The following MYT1L variants were observed in gnomAD, a reference collection of about 807,000 sequenced individuals.
MYT1L encodes myelin transcription factor 1-like protein.
A neutral mutation model predicts 126.7 loss-of-function variants in MYT1L; 12 were observed. That is an observed-to-expected ratio of 0.09 (90% CI 0.06 to 0.15). The LOEUF is 0.15. Ranked by LOEUF, MYT1L falls within the 10% of genes least tolerant of loss-of-function variation. MYT1L has a pLI of 1.00. For synonymous variants in MYT1L, 541 were observed against 604.2 expected (o/e 0.90, Z 1.53); for missense variants, 979 against 1,585.2 (o/e 0.62, Z 6.49).
chr2:2,177,598 G>A (rs1455372933), intron 2 of MYT1L, among the ~76,000 whole-genome samples: 1 of 152,196 alleles, frequency 6.6e-6, no homozygotes, highest in Non-Finnish European at 1.5e-5. Context: ...CCACATGGCT[G>A]GGAAGGCCTC....
At chr2:1,805,642 T>C (rs539363219) in intron 22 of MYT1L, among the ~76,000 whole-genome samples, 19 of 152,196 alleles carry the variant, frequency 1.2e-4, no homozygotes, top group Admixed American at 7.2e-4. Flanking sequence ...TCCCAGCACT[T>C]TGGGAGGCCG....
At chr2:1,822,060 T>C (rs2038617009) in intron 21 of MYT1L, among the ~76,000 whole-genome samples, 1 of 152,184 alleles carries the variant, frequency 6.6e-6, no homozygotes, top group African/African-American at 2.4e-5. Context: ...ATGGAGGTTC[T>C]GCATGCTCTT....
At chr2:2,169,805 GT>G in intron 3 of MYT1L, among the ~76,000 whole-genome samples, 1 of 152,206 alleles carries the variant, frequency 6.6e-6, no homozygotes, top group South Asian at 2.1e-4. Context: ...CCGGGAAGAT[GT>G]TTTCTTTTGG....
intron 2 of MYT1L, among the ~76,000 whole-genome samples, chr2:2,184,648 T>A (rs1415686303): frequency 6.6e-6 from 1 of 152,098 alleles, no homozygotes; most frequent in Non-Finnish European, 1.5e-5. Context: ...CAAGACCTCC[T>A]CTTCCCGCCT....
chr2:2,168,302 C>T (rs901932396), intron 3 of MYT1L, among the ~76,000 whole-genome samples: 1 of 152,114 alleles, frequency 6.6e-6, no homozygotes, highest in Admixed American at 6.5e-5. Flanking sequence ...AAGAGTACTA[C>T]GTGTGCATGC....
intron 19 of MYT1L, among the ~76,000 whole-genome samples, chr2:1,849,675 G>A (rs1257617244): frequency 6.6e-6 from 1 of 152,258 alleles, no homozygotes; most frequent in Non-Finnish European, 1.5e-5. Context: ...CAGCACTGCA[G>A]AGGCTGAGGA....
intron 2 of MYT1L, among the ~76,000 whole-genome samples, chr2:2,260,074 A>C (rs2094924033): frequency 6.6e-6 from 1 of 152,192 alleles, no homozygotes. Flanking sequence ...ACAAGATCAG[A>C]GTATCCACGC....
In MYT1L at chr2:2,058,928, T is replaced by C. The variant is rs151123074; in HGVS notation, c.-303-4805A>G. 3.4e-4 allele frequency among the ~76,000 whole-genome samples: 52 copies of C among 152,298 alleles called. 1 individual carries two copies. The East Asian group carries it at 9.5e-3, about 28-fold the overall frequency. On this transcript the variant is annotated intron_variant, in intron 3 of 24. Transcript: ENST00000647738. ...ATATTTAGAAGCGATTGAGGATGATTAAAGAAAGTGTTCATTCATATGGGG... is the reference window on the plus strand; with the variant it reads ...ATATTTAGAAGCGATTGAGGATGATCAAAGAAAGTGTTCATTCATATGGGG...
intron 2 of MYT1L, among the ~76,000 whole-genome samples, chr2:2,223,143 T>C (rs2093922849): frequency 6.6e-6 from 1 of 152,192 alleles, no homozygotes; most frequent in Non-Finnish European, 1.5e-5. Flanking sequence ...ACAACTGAGC[T>C]AGACTGTTGA....
At chr2:2,148,053 C>G (rs2085158405) in intron 3 of MYT1L, among the ~76,000 whole-genome samples, 1 of 152,180 alleles carries the variant, frequency 6.6e-6, no homozygotes. Context: ...GCCTGCACCT[C>G]TAATTTAAGC....
Position 1,912,032 on chromosome 2 carries a change from T to C in MYT1L, c.1697A>G (p.Asn566Ser), listed in dbSNP as rs1367753651. 1 of 1,593,476 alleles carries C rather than the reference T, an allele frequency of 6.3e-7. No homozygotes were observed. Among genetic ancestry groups the C allele is most frequent in the Non-Finnish European group, 8.6e-7 (1 of 1,166,208 alleles). ...TGRGHVNSNR[N>S]SHRSLSGCPI... ...ACGCGTGGCTTACCTTCGGTGGGAGTTCCTGTTGCTGTTGACATGCCCGCG... is the reference window on the plus strand; with the variant it reads ...ACGCGTGGCTTACCTTCGGTGGGAGCTCCTGTTGCTGTTGACATGCCCGCG... Residue 566 changes from asparagine to serine, a missense_variant, in exon 12 of 25, where the codon AAC becomes AGC. Around this residue, in one of 12 missense-constraint regions of MYT1L, gnomAD observed 82 missense variants for 177.2 expected, o/e 0.46. Coordinates refer to ENST00000647738, the MANE Select transcript of MYT1L (RefSeq NM_001303052.2). This position sits in a 1 kb window ranked among gnomAD's most constrained non-coding sequence, Gnocchi z 4.3.
intron 13 of MYT1L, among the ~76,000 whole-genome samples, chr2:1,903,959 G>A (rs995603224): frequency 2.3e-4 from 35 of 151,474 alleles, no homozygotes; most frequent in Non-Finnish European, 4.6e-4. Context: ...GCGCGTGCGC[G>A]CGTGTGTGTG....
chr2:2,128,082 C>T (rs1025745303), intron 3 of MYT1L, among the ~76,000 whole-genome samples: 5 of 152,168 alleles, frequency 3.3e-5, no homozygotes, highest in East Asian at 1.9e-4. Context: ...CCTTTCCTGA[C>T]GTTAAGAAAG....
intron 2 of MYT1L, among the ~76,000 whole-genome samples, chr2:2,241,235 G>A (rs894058353): frequency 8.5e-5 from 13 of 152,048 alleles, no homozygotes; most frequent in Admixed American, 4.6e-4. Context: ...TCTTAAAAGG[G>A]AGTTTTAAAT....
chr2:2,068,649 A>G (rs2074169288), intron 3 of MYT1L, among the ~76,000 whole-genome samples: 1 of 151,876 alleles, frequency 6.6e-6, no homozygotes, highest in Non-Finnish European at 1.5e-5. Context: ...TCCCTCATCT[A>G]TAATGACACA....
At chr2:2,295,759 CAGACAGACAGAGAGAGAGATAGAG>C (rs1559586180) in intron 1 of MYT1L, among the ~76,000 whole-genome samples, 1 of 27,738 alleles carries the variant, frequency 3.6e-5, no homozygotes, top group Admixed American at 3.1e-4. Flanking sequence ...GAGAGACAGA[CAGACAGACAGAGAGAGAGATAGAG>C]AGACAGACAG....
At chr2:2,204,525 TG>T (rs1428131771) in intron 2 of MYT1L, among the ~76,000 whole-genome samples, 1 of 143,730 alleles carries the variant, frequency 7.0e-6, no homozygotes, top group Non-Finnish European at 1.5e-5. Context: ...TCACCATCAC[TG>T]GCCATCAGAG....
At chr2:1,885,809 G>T (rs548937842) in intron 18 of MYT1L, among the ~76,000 whole-genome samples, 1 of 152,200 alleles carries the variant, frequency 6.6e-6, no homozygotes, top group African/African-American at 2.4e-5. Flanking sequence ...TGCTCTCCCC[G>T]GATTGCGGAG....
intron 18 of MYT1L, among the ~76,000 whole-genome samples, chr2:1,857,846 T>A (rs1370730230): frequency 1.3e-5 from 2 of 150,706 alleles, no homozygotes; most frequent in East Asian, 2.0e-4. Context: ...AAAAATTTTT[T>A]AAAATACATA....
Sources: gnomAD v4.1 joint callset for allele counts (sites outside exome capture counted in the v4.1 genomes callset) on GRCh38, gnomAD v4.1.1 for gene constraint, gnomAD v4.1.1 regional missense constraint, Gnocchi (gnomAD v3.1) non-coding constraint, MANE v1.5 for transcripts, NCBI Gene and HGNC (gene_info 2026-07-23, HGNC 2026-07-21) for gene names.